Variants in LOC400499 observed in about 807,000 individuals in gnomAD.
chr16:11,468,719 C>T, the LOC400499 span, among the ~76,000 whole-genome samples: 1 of 152,316 alleles, frequency 6.6e-6, no homozygotes, highest in East Asian at 1.9e-4. Context: ...CCTCCGCCTC[C>T]TGGGTTCAAG....
the LOC400499 span, among the ~76,000 whole-genome samples, chr16:11,396,145 G>T: frequency 3.9e-5 from 6 of 152,226 alleles, 1 homozygote. Flanking sequence ...TAACCCCATG[G>T]GAGATAGGGC....
At chr16:11,418,574 A>T in the LOC400499 span, among the ~76,000 whole-genome samples, 1 of 152,210 alleles carries the variant, frequency 6.6e-6, no homozygotes, top group Non-Finnish European at 1.5e-5. Flanking sequence ...CTTGTTTAGC[A>T]TATCATCAAG....
At chr16:11,472,396 T>A in the LOC400499 span, 1 of 152,086 alleles carries the variant, frequency 6.6e-6, no homozygotes, top group African/African-American at 2.4e-5. Context: ...TTTTACCATA[T>A]TGGCCAGGCT....
chr16:11,469,027 T>G, the LOC400499 span: 1 of 396,798 alleles, frequency 2.5e-6, no homozygotes, highest in Non-Finnish European at 4.4e-6. Context: ...CATTTCTGGG[T>G]AATAGAACTA....
chr16:11,475,062 G>A, the LOC400499 span, among the ~76,000 whole-genome samples: 1 of 152,172 alleles, frequency 6.6e-6, no homozygotes, highest in Non-Finnish European at 1.5e-5. Flanking sequence ...GAGCAAGTAT[G>A]AATATGTAAG....
chr16:11,396,139 C>T, the LOC400499 span, among the ~76,000 whole-genome samples: 1 of 152,226 alleles, frequency 6.6e-6, no homozygotes, highest in East Asian at 1.9e-4. Flanking sequence ...CAATATTAAC[C>T]CCATGGGAGA....
At chr16:11,440,763 C>T in the LOC400499 span, 1 of 399,022 alleles carries the variant, frequency 2.5e-6, no homozygotes, top group Non-Finnish European at 4.4e-6. Flanking sequence ...CTCGTGCATC[C>T]ATGCCAAAGT....
chr16:11,453,803 CA>C, the LOC400499 span, among the ~76,000 whole-genome samples: 11 of 148,320 alleles, frequency 7.4e-5, no homozygotes, highest in Non-Finnish European at 1.6e-4. Flanking sequence ...CCCCATTCTC[CA>C]AAAAAAAGAA....
chr16:11,434,552 C>T, the LOC400499 span, among the ~76,000 whole-genome samples: 2 of 152,154 alleles, frequency 1.3e-5, no homozygotes, highest in African/African-American at 4.8e-5. Context: ...CACCAGAGAA[C>T]TGCTTGATGG....
chr16:11,396,833 G>A, the LOC400499 span, among the ~76,000 whole-genome samples: 1,132 of 152,182 alleles, frequency 7.4e-3, 12 homozygotes, highest in African/African-American at 0.025. Context: ...ATCAGATGCC[G>A]TCCCCTAAGA....
chr16:11,425,739 T>A, the LOC400499 span, among the ~76,000 whole-genome samples: 2 of 152,106 alleles, frequency 1.3e-5, no homozygotes, highest in African/African-American at 4.8e-5. Flanking sequence ...CAAAGAACGC[T>A]CCAGACGTCT....
chr16:11,506,345 G>T, the LOC400499 span, among the ~76,000 whole-genome samples: 1 of 152,196 alleles, frequency 6.6e-6, no homozygotes, highest in Non-Finnish European at 1.5e-5. Context: ...GTTTAAAACA[G>T]CAGTGTTTAA....
chr16:11,497,386 C>G, the LOC400499 span, among the ~76,000 whole-genome samples: 1 of 152,236 alleles, frequency 6.6e-6, no homozygotes, highest in Non-Finnish European at 1.5e-5. Context: ...TAATACAGAG[C>G]AGGGCAAGCG....
At chr16:11,501,388 C>T in the LOC400499 span, among the ~76,000 whole-genome samples, 1 of 152,144 alleles carries the variant, frequency 6.6e-6, no homozygotes, top group African/African-American at 2.4e-5. Context: ...GTTAGGGTCT[C>T]ACTCTGTCAC....
At chr16:11,418,408 G>C in the LOC400499 span, among the ~76,000 whole-genome samples, 1 of 152,152 alleles carries the variant, frequency 6.6e-6, no homozygotes, top group African/African-American at 2.4e-5. Flanking sequence ...TAAAGAAGCT[G>C]GCTAAATCCC....
the LOC400499 span, among the ~76,000 whole-genome samples, chr16:11,488,342 A>T: frequency 6.6e-6 from 1 of 150,834 alleles, no homozygotes; most frequent in African/African-American, 2.4e-5. Flanking sequence ...TGTCTTCCAA[A>T]AAAAGCAGCA....
At chr16:11,396,206 C>T in the LOC400499 span, among the ~76,000 whole-genome samples, 1 of 152,226 alleles carries the variant, frequency 6.6e-6, no homozygotes, top group Non-Finnish European at 1.5e-5. Context: ...TACCAGGAGG[C>T]AGCTAGGCTG....
chr16:11,527,021 T>C, the LOC400499 span, among the ~76,000 whole-genome samples: 1 of 152,234 alleles, frequency 6.6e-6, no homozygotes, highest in African/African-American at 2.4e-5. Context: ...AACAGGCATC[T>C]GGCTACAAAA....
the LOC400499 span, chr16:11,407,199 C>T: frequency 7.5e-6 from 3 of 398,938 alleles, no homozygotes; most frequent in Non-Finnish European, 4.4e-6. Flanking sequence ...CCTCCACACA[C>T]CTGCAGAAAG....
Sources: gnomAD v4.1 joint callset for allele counts (sites outside exome capture counted in the v4.1 genomes callset) on GRCh38, gnomAD v4.1.1 for gene constraint, MANE v1.5 for transcripts.